The following ZNF469 variants were observed in gnomAD, a reference collection of about 807,000 sequenced individuals.
ZNF469 encodes the protein zinc finger protein 469.
In ZNF469, 1 loss-of-function variant was observed where a neutral mutation model predicts 1.0. The observed-to-expected ratio is 1.00, with a 90% confidence interval of 0.35 to 4.73. The LOEUF is 4.73. Among genes scored for constraint, ZNF469 ranks in the 30% most tolerant of loss-of-function variants. The probability of loss-of-function intolerance (pLI) is 0.16; values close to 1 mark genes in which losing one functional copy is unlikely to be tolerated. For synonymous variants in ZNF469, 2,703 were observed against 2,363.4 expected (o/e 1.14, Z -4.17); for missense variants, 6,100 against 5,356.3 (o/e 1.14, Z -4.33).
chr16:88,189,034 G>A, the ZNF469 span, among the ~76,000 whole-genome samples: 251 of 152,108 alleles, frequency 1.7e-3, 1 homozygote, highest in African/African-American at 5.7e-3. The surrounding 1 kb of genome is among the most constrained non-coding windows in gnomAD (Gnocchi z 4.3). Context: ...TGTCTAGAAT[G>A]TTCCCCAATG....
chr16:88,263,270 G>C, the ZNF469 span, among the ~76,000 whole-genome samples: 1 of 152,206 alleles, frequency 6.6e-6, no homozygotes, highest in Admixed American at 6.5e-5. Context: ...GGTAGAAAAC[G>C]AACTAGGGGA....
the ZNF469 span, among the ~76,000 whole-genome samples, chr16:88,359,517 G>A: frequency 3.3e-5 from 5 of 152,222 alleles, no homozygotes; most frequent in Non-Finnish European, 7.3e-5. Flanking sequence ...ACATTTCACT[G>A]CTGCCTAAAG....
the ZNF469 span, among the ~76,000 whole-genome samples, chr16:88,315,514 T>C: frequency 6.6e-6 from 1 of 152,200 alleles, no homozygotes; most frequent in East Asian, 1.9e-4. Flanking sequence ...GCTGCCTCTG[T>C]TGGACCATTT....
chr16:88,381,245 C>T (rs1442480417), upstream of ZNF469, among the ~76,000 whole-genome samples: 3 of 149,700 alleles, frequency 2.0e-5, no homozygotes, highest in Non-Finnish European at 4.4e-5. Context: ...CACTCACAGA[C>T]ATGCACTCAC....
the ZNF469 span, among the ~76,000 whole-genome samples, chr16:88,137,330 T>A: frequency 6.6e-6 from 1 of 152,258 alleles, no homozygotes; most frequent in African/African-American, 2.4e-5. Flanking sequence ...TGTACAGCTA[T>A]GCATGCATAC....
chr16:88,169,316 G>A, the ZNF469 span, among the ~76,000 whole-genome samples: 296 of 152,334 alleles, frequency 1.9e-3, 4 homozygotes, highest in South Asian at 0.042. The surrounding 1 kb of genome is among the most constrained non-coding windows in gnomAD (Gnocchi z 6.1). Flanking sequence ...GTACAGTTGT[G>A]TGACCAACAT....
chr16:88,414,931 C>A (rs1213140647), intron 1 of ZNF469, among the ~76,000 whole-genome samples: 1 of 152,218 alleles, frequency 6.6e-6, no homozygotes, highest in Middle Eastern at 3.2e-3. Flanking sequence ...GCCCAGAGAC[C>A]AGCTGAGGCC....
chr16:88,153,261 C>T, the ZNF469 span, among the ~76,000 whole-genome samples: 2 of 152,144 alleles, frequency 1.3e-5, no homozygotes, highest in East Asian at 3.9e-4. Flanking sequence ...CCGGGGTGTC[C>T]CCTCGCCTTC....
the ZNF469 span, among the ~76,000 whole-genome samples, chr16:88,328,950 G>A: frequency 1.3e-5 from 2 of 152,188 alleles, no homozygotes; most frequent in African/African-American, 4.8e-5. Flanking sequence ...TCAGCAAGAA[G>A]GGTCAGGGCC....
the ZNF469 span, among the ~76,000 whole-genome samples, chr16:88,186,247 C>T: frequency 2.0e-5 from 3 of 152,162 alleles, no homozygotes; most frequent in East Asian, 3.9e-4. Context: ...TCAAGGATGC[C>T]CTCTCCCTGC....
At chr16:88,196,920 T>G in the ZNF469 span, among the ~76,000 whole-genome samples, 1 of 152,170 alleles carries the variant, frequency 6.6e-6, no homozygotes, top group Non-Finnish European at 1.5e-5. Context: ...GCTTATGCCC[T>G]TAGGGAGATG....
chr16:88,362,111 T>C, the ZNF469 span, among the ~76,000 whole-genome samples: 1 of 152,246 alleles, frequency 6.6e-6, no homozygotes, highest in Non-Finnish European at 1.5e-5. Context: ...TTCTTTTCAA[T>C]GTTGCTTTGG....
the ZNF469 span, among the ~76,000 whole-genome samples, chr16:88,357,983 C>CCCGCAG: frequency 6.6e-6 from 1 of 152,238 alleles, no homozygotes; most frequent in Non-Finnish European, 1.5e-5. Context: ...GAAATGTCCA[C>CCCGCAG]TTGTCCTGGG....
upstream of ZNF469, among the ~76,000 whole-genome samples, chr16:88,381,157 C>G (rs1399562453): frequency 6.8e-6 from 1 of 147,398 alleles, no homozygotes; most frequent in African/African-American, 2.6e-5. Flanking sequence ...CACTCACACA[C>G]AGACACGCCC....
intron 1 of ZNF469, among the ~76,000 whole-genome samples, chr16:88,406,284 G>T (rs528228706): frequency 6.6e-6 from 1 of 152,214 alleles, no homozygotes; most frequent in Admixed American, 6.5e-5. Context: ...GTGTTCATCC[G>T]TGTACACATG....
At chr16:88,233,191 G>A in the ZNF469 span, among the ~76,000 whole-genome samples, 1 of 152,206 alleles carries the variant, frequency 6.6e-6, no homozygotes, top group Non-Finnish European at 1.5e-5. Context: ...AAGAGGCTGT[G>A]GGCACCGCGG....
At chr16:88,300,208 C>T in the ZNF469 span, among the ~76,000 whole-genome samples, 2 of 152,146 alleles carry the variant, frequency 1.3e-5, no homozygotes, top group African/African-American at 4.8e-5. Flanking sequence ...TGATTCTACT[C>T]CCAGAGCCAC....
intron 1 of ZNF469, among the ~76,000 whole-genome samples, chr16:88,402,459 C>A (rs1599351281): frequency 6.6e-6 from 1 of 152,082 alleles, no homozygotes; most frequent in Admixed American, 6.5e-5. Context: ...AGGAGACAGT[C>A]TGGGGGCACC....
chr16:88,346,921 G>A, the ZNF469 span, among the ~76,000 whole-genome samples: 41 of 152,328 alleles, frequency 2.7e-4, no homozygotes, highest in East Asian at 7.9e-3. Context: ...CAGCCGGGAA[G>A]AACCAGCTGG....
Sources: gnomAD v4.1 joint callset for allele counts (sites outside exome capture counted in the v4.1 genomes callset) on GRCh38, gnomAD v4.1.1 for gene constraint, Gnocchi (gnomAD v3.1) non-coding constraint, MANE v1.5 for transcripts, NCBI Gene and HGNC (gene_info 2026-07-23, HGNC 2026-07-21) for gene names.